DNAH14: variants seen among roughly 807,000 people sequenced by gnomAD.
DNAH14 encodes the protein axonemal beta dynein heavy chain 14.
In DNAH14, 478 loss-of-function variants were observed where a neutral mutation model predicts 520.9. That is an observed-to-expected ratio of 0.92 (90% CI 0.85 to 0.99). The LOEUF (loss-of-function observed/expected upper bound fraction) is 0.99, where lower values mean the gene tolerates loss of function less well. Ranked by LOEUF, DNAH14 falls within the 50% of genes least tolerant of loss-of-function variation. The probability of loss-of-function intolerance (pLI) is 0.00; values close to 1 mark genes in which losing one functional copy is unlikely to be tolerated. For missense variants in DNAH14, 4,831 were observed against 5,234.5 expected (o/e 0.92, Z 2.38); for synonymous variants, 1,581 against 1,757.2 (o/e 0.90, Z 2.51).
chr1:224,978,887 C>T (rs1286152405), intron 8 of DNAH14, among the ~76,000 whole-genome samples: 1 of 152,044 alleles, frequency 6.6e-6, no homozygotes, highest in East Asian at 1.9e-4. Context: ...GTAGTCCTCC[C>T]ACTTTAGCCT....
At chr1:225,165,318 C>T (rs1349382666) in intron 35 of DNAH14, among the ~76,000 whole-genome samples, 3 of 152,022 alleles carry the variant, frequency 2.0e-5, no homozygotes, top group Non-Finnish European at 4.4e-5. Context: ...CATAATATCA[C>T]TATAAATTCT....
At chr1:225,296,169 G>T (rs1358598864) in intron 55 of DNAH14, among the ~76,000 whole-genome samples, 1 of 152,038 alleles carries the variant, frequency 6.6e-6, no homozygotes, top group Admixed American at 6.6e-5. Context: ...GCTTATAGTT[G>T]GGTCTTGTTT....
At chr1:225,342,989 C>A (rs1029291948) in intron 69 of DNAH14, among the ~76,000 whole-genome samples, 4 of 152,112 alleles carry the variant, frequency 2.6e-5, no homozygotes, top group African/African-American at 9.7e-5. Context: ...TTCCCGGAAG[C>A]AAGACAGATC....
intron 73 of DNAH14, 117 bp from the exon 74 acceptor site, chr1:225,358,379 A>G (rs1341619298): frequency 2.1e-6 from 2 of 933,432 alleles, no homozygotes; most frequent in East Asian, 2.8e-5. Context: ...TCAACAGGAA[A>G]ACTCTGGCTG....
chr1:225,374,266 ATATAT>A lies in DNAH14; in HGVS notation c.12319-420_12319-416del, dbSNP rs1250690791. On this transcript the variant is annotated intron_variant, in intron 77 of 85. Coordinates refer to ENST00000682510, the MANE Select transcript of DNAH14 (RefSeq NM_001367479.1). ...TATTTGTCTATATATATATATATAT[ATATAT>A]TTTTTTTTGAGATAGAGTCTCACTC... is the stretch of plus-strand genomic sequence containing the variant. Among the ~76,000 whole-genome samples, 173 of 32,938 alleles carry A rather than the reference ATATAT, an allele frequency of 5.3e-3. 3 individuals are homozygous for A. The East Asian group carries it at 0.23, about 43-fold the overall frequency. 21.6% of individuals were successfully genotyped at this position (32,938 alleles called of 152,430 possible).
At chr1:225,008,089 G>A (rs2064336844) in intron 10 of DNAH14, among the ~76,000 whole-genome samples, 1 of 150,920 alleles carries the variant, frequency 6.6e-6, no homozygotes, top group Middle Eastern at 3.4e-3. Context: ...CCAACCCCGC[G>A]ACATGCCCCA....
intron 76 of DNAH14, 69 bp from the exon 77 acceptor site, chr1:225,367,736 G>A (rs1167142759): frequency 5.5e-6 from 6 of 1,100,212 alleles, no homozygotes; most frequent in Admixed American, 4.9e-5. Context: ...GTTGTAGAAA[G>A]ACAAGTGCCC....
At chr1:225,112,009 A>C (rs921358445) in intron 23 of DNAH14, among the ~76,000 whole-genome samples, 9 of 152,018 alleles carry the variant, frequency 5.9e-5, no homozygotes, top group Non-Finnish European at 8.8e-5. Context: ...ATGTCTTGAA[A>C]AGTTGTTCTA....
At chr1:225,383,995 A>G (rs1293122195) in intron 81 of DNAH14, among the ~76,000 whole-genome samples, 4 of 152,140 alleles carry the variant, frequency 2.6e-5, no homozygotes, top group African/African-American at 7.2e-5. Flanking sequence ...TTCGTCATGT[A>G]CCCAGTAGTC....
intron 40 of DNAH14, 140 bp downstream of exon 40, chr1:225,206,319 G>T: frequency 2.7e-6 from 2 of 745,854 alleles, no homozygotes; most frequent in Non-Finnish European, 2.1e-6. Flanking sequence ...TCAAATCTTT[G>T]TGTCTCCCAA....
At chr1:225,230,287 A>G (rs2090974983) in intron 41 of DNAH14, among the ~76,000 whole-genome samples, 1 of 152,166 alleles carries the variant, frequency 6.6e-6, no homozygotes, top group African/African-American at 2.4e-5. Context: ...ACAAAGAGAC[A>G]GGCCTAAAAA....
intron 42 of DNAH14, among the ~76,000 whole-genome samples, chr1:225,236,001 A>G (rs2091552973): frequency 6.6e-6 from 1 of 151,744 alleles, no homozygotes; most frequent in Non-Finnish European, 1.5e-5. Context: ...GCATTCATTG[A>G]TTTTTGAAGG....
intron 23 of DNAH14, among the ~76,000 whole-genome samples, chr1:225,108,006 G>A (rs951744217): frequency 1.6e-4 from 25 of 152,228 alleles, no homozygotes; most frequent in Non-Finnish European, 2.5e-4. Context: ...GGTTGTTGCC[G>A]AAGGAGATTA....
intron 21 of DNAH14, among the ~76,000 whole-genome samples, chr1:225,089,301 G>A (rs970212897): frequency 6.6e-6 from 1 of 151,886 alleles, no homozygotes; most frequent in Non-Finnish European, 1.5e-5. Flanking sequence ...AAAATTAGCT[G>A]GGTGTGGTGG....
rs529805926 is a variant in DNAH14, at chr1:225,019,884, G to A, written c.1108-3731G>A. 9.2e-5 allele frequency among the ~76,000 whole-genome samples: 14 copies of A among 152,196 alleles called. No homozygotes were observed. The South Asian group carries it at 2.7e-3, about 29-fold the overall frequency. On this transcript the variant is annotated intron_variant, in intron 10 of 85. Transcript: ENST00000682510. Reference sequence around the variant, plus strand: ...GATGAAGAGGAAAGTTTATAGTGCTGTACACCTACCTCAAGAAGTTAGAAA... The same window carrying A: ...GATGAAGAGGAAAGTTTATAGTGCTATACACCTACCTCAAGAAGTTAGAAA...
intron 43 of DNAH14, among the ~76,000 whole-genome samples, chr1:225,248,212 T>C (rs1342456911): frequency 6.6e-6 from 1 of 152,122 alleles, no homozygotes; most frequent in East Asian, 1.9e-4. Flanking sequence ...AACTCATGTA[T>C]AAAAGAAGTA....
intron 75 of DNAH14, among the ~76,000 whole-genome samples, chr1:225,364,165 G>C (rs1167763512): frequency 3.3e-5 from 5 of 152,134 alleles, no homozygotes; most frequent in Non-Finnish European, 7.4e-5. Flanking sequence ...CTCATTACTG[G>C]TGATATTAAC....
rs190205198 is a variant in DNAH14, at chr1:225,092,906, C to T, written c.3574-4212C>T. On this transcript the variant is annotated intron_variant, in intron 21 of 85. Transcript: ENST00000682510. ...ACTACTATGAACACCGCTATGCACA[C>T]AGACTAGAAACACTAGAAGAAAGAG... 5.3e-3 allele frequency among the ~76,000 whole-genome samples: 813 copies of T among 152,194 alleles called. 22 individuals are homozygous for T. Among genetic ancestry groups the T allele is most frequent in the Admixed American group, 0.048 (729 of 15,276 alleles).
chr1:225,076,595 A>G (rs935025359), intron 17 of DNAH14, among the ~76,000 whole-genome samples: 1 of 152,130 alleles, frequency 6.6e-6, no homozygotes, highest in African/African-American at 2.4e-5. Flanking sequence ...TGACCCACAT[A>G]GTGACACTAT....
Sources: allele counts gnomAD v4.1 joint callset (sites outside exome capture counted in the v4.1 genomes callset), GRCh38; gene constraint gnomAD v4.1.1; transcripts MANE v1.5; gene names NCBI Gene and HGNC (gene_info 2026-07-23, HGNC 2026-07-21).